The following CAPN13 variants were observed in gnomAD, a reference collection of about 807,000 sequenced individuals.
The protein encoded by CAPN13 is calpain-13.
CAPN13 carries 90 observed loss-of-function variants against 98.4 expected under a neutral mutation model. The ratio of observed to expected loss-of-function variants is 0.92; its 90% CI spans 0.77 to 1.09. CAPN13 has a LOEUF of 1.09. CAPN13 is among the 50% of genes least tolerant of loss of function. CAPN13 has a pLI of 0.00. For missense variants in CAPN13, 887 were observed against 841.3 expected (o/e 1.05, Z -0.67); for synonymous variants, 330 against 305.5 (o/e 1.08, Z -0.84).
intron 7 of CAPN13, among the ~76,000 whole-genome samples, chr2:30,759,480 C>T (rs1672713204): frequency 6.6e-6 from 1 of 152,126 alleles, no homozygotes. Context: ...TCAATCTGTG[C>T]TAATGTTGTC....
At chr2:30,758,627 G>C (rs1161245298) in intron 7 of CAPN13, among the ~76,000 whole-genome samples, 1 of 152,168 alleles carries the variant, frequency 6.6e-6, no homozygotes, top group Non-Finnish European at 1.5e-5. Context: ...AGGCAGATTT[G>C]AGCAAGACTG....
intron 1 of CAPN13, among the ~76,000 whole-genome samples, chr2:30,791,631 G>C (rs938483994): frequency 1.3e-5 from 2 of 152,194 alleles, no homozygotes; most frequent in African/African-American, 4.8e-5. Flanking sequence ...CCTTTTATTG[G>C]AGAACTTTTA....
At chr2:30,769,921 T>C (rs563840894) in intron 5 of CAPN13, among the ~76,000 whole-genome samples, 1 of 152,238 alleles carries the variant, frequency 6.6e-6, no homozygotes, top group East Asian at 1.9e-4. Context: ...ATCCTGCCCA[T>C]CCTTTGAGGC....
chr2:30,741,885 C>T (rs1671678045), intron 15 of CAPN13, 23 bp downstream of exon 15: 1 of 1,613,888 alleles, frequency 6.2e-7, no homozygotes, highest in African/African-American at 1.3e-5. Flanking sequence ...CCACGTAAGG[C>T]CCCTGGGTGC....
At chr2:30,785,441 G>A (rs2148069728) in intron 2 of CAPN13, among the ~76,000 whole-genome samples, 1 of 152,288 alleles carries the variant, frequency 6.6e-6, no homozygotes, top group South Asian at 2.1e-4. Flanking sequence ...AGAAGTGCCA[G>A]AATGAAAAAT....
intron 10 of CAPN13, among the ~76,000 whole-genome samples, chr2:30,751,822 G>A (rs1351604026): frequency 1.3e-5 from 2 of 152,344 alleles, no homozygotes; most frequent in East Asian, 1.9e-4. Context: ...GCAAGGGAGT[G>A]GGGAGGCGTA....
At chr2:30,745,655 G>A in intron 12 of CAPN13, 68 bp downstream of exon 12, 1 of 1,546,888 alleles carries the variant, frequency 6.5e-7, no homozygotes, top group South Asian at 1.2e-5. Context: ...ATGGGCGTTG[G>A]AAGTGGCCTA....
rs567319775 is a variant in CAPN13 at position 30,792,874 on chromosome 2, A to G, written c.-32-5517T>C. Among the ~76,000 whole-genome samples, 478 of 152,110 alleles carry G rather than the reference A, an allele frequency of 3.1e-3. 3 individuals are homozygous for G. Among genetic ancestry groups the G allele is most frequent in the African/African-American group, 0.011 (451 of 41,580 alleles). On this transcript the variant is annotated intron_variant, in intron 1 of 22. Transcript: ENST00000295055. ...AGAAGAAGAAGAAAGATACCACATC[A>G]TAAGTTGGGTTTATTTCAGGAATGT...
chr2:30,761,358 G>C (rs187253764), intron 7 of CAPN13, among the ~76,000 whole-genome samples: 7 of 152,180 alleles, frequency 4.6e-5, no homozygotes, highest in South Asian at 2.1e-4. Context: ...ACAAATGTTC[G>C]AGCTGTGGGT....
chr2:30,737,355 C>A (rs980787154), intron 17 of CAPN13: 9 of 152,494 alleles, frequency 5.9e-5, no homozygotes, highest in Non-Finnish European at 1.3e-4. Context: ...CGGGGCAATG[C>A]GTCTCAGGAG....
chr2:30,763,057 T>C, intron 7 of CAPN13, 25 bp downstream of exon 7: 1 of 1,588,442 alleles, frequency 6.3e-7, no homozygotes. Context: ...AGGGGAGAGC[T>C]GGACAGGCCA....
chr2:30,736,682 A>G, intron 17 of CAPN13, 111 bp from the exon 18 acceptor site: 2 of 938,002 alleles, frequency 2.1e-6, no homozygotes, highest in Non-Finnish European at 1.7e-6. Context: ...CAGCTGGTCC[A>G]TTGTCACCTG....
At chr2:30,738,135 G>C in intron 17 of CAPN13, 100 bp downstream of exon 17, 3 of 1,225,984 alleles carry the variant, frequency 2.4e-6, no homozygotes, top group Non-Finnish European at 3.6e-6. Flanking sequence ...AGAAAATACT[G>C]AGTGGGAAAA....
intron 7 of CAPN13, among the ~76,000 whole-genome samples, chr2:30,760,105 T>TG (rs1391191534): frequency 2.6e-5 from 4 of 152,060 alleles, no homozygotes; most frequent in African/African-American, 9.7e-5. Context: ...TTTTTTGAGA[T>TG]GGAGTCTTGC....
rs534038094 is a variant in CAPN13, at chr2:30,776,058, A to G, written c.272-13T>C. The G allele has an allele frequency of 4.4e-6, 7 of 1,586,638 alleles. 1 individual carries two copies. In the African/African-American group the frequency reaches 5.4e-5, roughly 12 times the overall value. On this transcript the variant is annotated splice_polypyrimidine_tract_variant and intron_variant, in intron 3 of 22. Transcript: ENST00000295055. ...AACCAGCAGTCAGCTGTGAGGGGAG[A>G]TAAGCCAGGAAAGGCTGATTGGACA...
chr2:30,766,097 G>C (rs1191776451), intron 5 of CAPN13, among the ~76,000 whole-genome samples: 1 of 152,188 alleles, frequency 6.6e-6, no homozygotes, highest in Non-Finnish European at 1.5e-5. Flanking sequence ...CAAGGACTGG[G>C]GTTTGGGAAC....
At chr2:30,775,323 C>T (rs999011917) in intron 4 of CAPN13, among the ~76,000 whole-genome samples, 1 of 152,014 alleles carries the variant, frequency 6.6e-6, no homozygotes, top group Admixed American at 6.5e-5. Flanking sequence ...ATAAATATAA[C>T]ACTTTATTGA....
chr2:30,767,975 C>T (rs1258335403), intron 5 of CAPN13, among the ~76,000 whole-genome samples: 2 of 152,228 alleles, frequency 1.3e-5, no homozygotes, highest in Admixed American at 1.3e-4. Flanking sequence ...GGAGACTCAT[C>T]TCTGAAGAAG....
chr2:30,796,806 A>G (rs150014277), intron 1 of CAPN13, among the ~76,000 whole-genome samples: 17 of 152,320 alleles, frequency 1.1e-4, no homozygotes, highest in Non-Finnish European at 2.5e-4. Flanking sequence ...CAAAACTATG[A>G]AAGATTTGGC....
Sources: gnomAD v4.1 joint callset for allele counts (sites outside exome capture counted in the v4.1 genomes callset) on GRCh38, gnomAD v4.1.1 for gene constraint, MANE v1.5 for transcripts, NCBI Gene and HGNC (gene_info 2026-07-23, HGNC 2026-07-21) for gene names.